NALCN: variants seen among roughly 807,000 people sequenced by gnomAD.
NALCN encodes sodium leak channel, non-selective, also known as sodium leak channel NALCN.
In NALCN, 111 loss-of-function variants were observed where a neutral mutation model predicts 225.3. The ratio of observed to expected loss-of-function variants is 0.49; its 90% CI spans 0.42 to 0.58. The LOEUF (loss-of-function observed/expected upper bound fraction) is 0.58, where lower values mean the gene tolerates loss of function less well. Ranked by LOEUF, NALCN falls within the 20% of genes least tolerant of loss-of-function variation. NALCN has a pLI of 0.00. For missense variants in NALCN, 1,378 were observed against 2,202.4 expected (o/e 0.63, Z 7.49); for synonymous variants, 764 against 769.0 (o/e 0.99, Z 0.11).
intron 4 of NALCN, among the ~76,000 whole-genome samples, chr13:101,377,344 T>TA (rs2139422226): frequency 6.6e-6 from 1 of 152,316 alleles, no homozygotes; most frequent in East Asian, 1.9e-4. Context: ...GAATATATAG[T>TA]AAGTATGCTG....
intron 12 of NALCN, among the ~76,000 whole-genome samples, chr13:101,234,881 T>C (rs71439697): frequency 1.3e-5 from 2 of 151,984 alleles, no homozygotes; most frequent in Non-Finnish European, 2.9e-5. Context: ...CTATCATCTG[T>C]CTATCTATAA....
intron 1 of NALCN, among the ~76,000 whole-genome samples, chr13:101,400,666 C>A (rs1594786836): frequency 6.6e-6 from 1 of 152,046 alleles, no homozygotes; most frequent in East Asian, 1.9e-4. Flanking sequence ...AGCTCCGAAT[C>A]TGATTGCCTG....
In NALCN at chr13:101,268,041, C is replaced by A. The variant is rs569057210; in HGVS notation, c.1135-9467G>T. On this transcript the variant is annotated intron_variant, in intron 10 of 43. Coordinates refer to ENST00000251127, the MANE Select transcript of NALCN (RefSeq NM_052867.4). ...ATGTGTCACTTTGAGAAAGGGTGTG[C>A]CTTCTCGAAAGTCTCCCTCTCTCTT... is the stretch of plus-strand genomic sequence containing the variant. Among the ~76,000 whole-genome samples the A allele has an allele frequency of 1.9e-4, 29 of 152,158 alleles. 1 individual carries two copies. Among genetic ancestry groups the A allele is most frequent in the Middle Eastern group, 3.4e-3 (1 of 294 alleles).
intron 7 of NALCN, among the ~76,000 whole-genome samples, chr13:101,335,424 A>T (rs1213397901): frequency 6.6e-6 from 1 of 152,202 alleles, no homozygotes; most frequent in Non-Finnish European, 1.5e-5. Context: ...GATTCAAGAT[A>T]CAAGGATAAA....
At chr13:101,398,977 C>A (rs764142317) in intron 2 of NALCN, 42 bp downstream of exon 2, 4 of 1,230,010 alleles carry the variant, frequency 3.3e-6, no homozygotes, top group Non-Finnish European at 4.8e-6. Context: ...ACATTTATCT[C>A]ACATCCACAT....
In NALCN at chr13:101,395,248, T is replaced by C; in HGVS notation, c.226A>G (p.Thr76Ala). Residue 76 changes from threonine to alanine, a missense_variant, in exon 3 of 44, where the codon ACA becomes GCA. Coordinates refer to ENST00000251127, the MANE Select transcript of NALCN (RefSeq NM_052867.4). ...PLQYVTFTLD[T>A]LLMFLYTAEM... ...GCCGTGTAGAGAAACATCAATAATGTATCCAAAGTGAAGGTCACATACTGA... is the reference window on the plus strand; with the variant it reads ...GCCGTGTAGAGAAACATCAATAATGCATCCAAAGTGAAGGTCACATACTGA... 1.9e-6 allele frequency: 3 copies of C among 1,614,092 alleles called. No individual in the cohort carries two copies. Among genetic ancestry groups the C allele is most frequent in the Non-Finnish European group, 2.5e-6 (3 of 1,179,956 alleles).
intron 27 of NALCN, among the ~76,000 whole-genome samples, chr13:101,096,049 G>T (rs1450073461): frequency 6.6e-6 from 1 of 152,002 alleles, no homozygotes; most frequent in Non-Finnish European, 1.5e-5. Context: ...TAACCAAAAA[G>T]TCAGATAACA....
chr13:101,181,056 C>T (rs775562716), intron 14 of NALCN: 1 of 517,716 alleles, frequency 1.9e-6, no homozygotes, highest in Non-Finnish European at 3.9e-6. Flanking sequence ...GAGAGCCCAT[C>T]TGGGCACATG....
chr13:101,129,906 T>A (rs2036434012), intron 17 of NALCN, among the ~76,000 whole-genome samples: 1 of 151,852 alleles, frequency 6.6e-6, no homozygotes, highest in South Asian at 2.1e-4. Context: ...TGTGTGATGT[T>A]CCCCTCCCTG....
intron 14 of NALCN, among the ~76,000 whole-genome samples, chr13:101,186,445 A>T (rs1031862959): frequency 1.3e-5 from 2 of 152,234 alleles, no homozygotes; most frequent in African/African-American, 4.8e-5. Flanking sequence ...AACTCACTTC[A>T]TAAAGCCCAT....
chr13:101,177,607 TAAATA>T lies in NALCN; in HGVS notation c.1765-1238_1765-1234del, dbSNP rs552997881. 1.8e-3 allele frequency among the ~76,000 whole-genome samples: 268 copies of T among 152,020 alleles called. 1 individual carries two copies. Among genetic ancestry groups the T allele is most frequent in the East Asian group, 7.7e-3 (40 of 5,174 alleles). ...AAATGTATGCTTCTTTTAGAACAGG[TAAATA>T]AAATAAAACAAAATAGCATAATTTT... On this transcript the variant is annotated intron_variant, in intron 14 of 43. Coordinates refer to ENST00000251127, the MANE Select transcript of NALCN (RefSeq NM_052867.4).
At chr13:101,062,748 T>A (rs1394853104) in intron 40 of NALCN, among the ~76,000 whole-genome samples, 1 of 152,094 alleles carries the variant, frequency 6.6e-6, no homozygotes, top group East Asian at 1.9e-4. Flanking sequence ...GGATTACAGG[T>A]GTGTGCCACC....
intron 17 of NALCN, among the ~76,000 whole-genome samples, chr13:101,141,732 T>G (rs2037087933): frequency 6.6e-6 from 1 of 151,638 alleles, no homozygotes; most frequent in African/African-American, 2.4e-5. Context: ...TTCCAAAGGG[T>G]TCATCCCTGT....
intron 14 of NALCN, among the ~76,000 whole-genome samples, chr13:101,178,588 C>A (rs576771841): frequency 6.6e-6 from 1 of 152,278 alleles, no homozygotes; most frequent in African/African-American, 2.4e-5. Flanking sequence ...TCCCCTTCTC[C>A]GTAGAGGGTG....
intron 17 of NALCN, among the ~76,000 whole-genome samples, chr13:101,129,027 G>A (rs1268253165): frequency 1.3e-5 from 2 of 152,198 alleles, no homozygotes; most frequent in African/African-American, 4.8e-5. Flanking sequence ...TTCTTCCATC[G>A]AAAGGAACAG....
At position 101,292,217 on chromosome 13, in the gene NALCN, G is replaced by C. The variant is rs781262654; in HGVS notation, c.942+7C>G. 3 of 1,613,684 alleles carry C rather than the reference G, an allele frequency of 1.9e-6. No homozygotes were observed. The highest frequency in any genetic ancestry group is 1.7e-5 in the Admixed American group (1 of 59,924). ...ATAGACTTTCTTAGTACAATTCTTC[G>C]CAGTACCTTCACAAGCCAGGCGAGG... On this transcript the variant is annotated splice_region_variant and intron_variant, in intron 8 of 43. Coordinates refer to ENST00000251127, the MANE Select transcript of NALCN (RefSeq NM_052867.4). This position sits in a 1 kb window ranked among gnomAD's most constrained non-coding sequence, Gnocchi z 4.3.
At chr13:101,273,726 A>C (rs943015320) in intron 10 of NALCN, among the ~76,000 whole-genome samples, 15 of 151,952 alleles carry the variant, frequency 9.9e-5, no homozygotes, top group African/African-American at 3.1e-4. Flanking sequence ...TCTTCTAAAA[A>C]TACAAAAAAT....
chr13:101,300,520 G>A (rs1427063475), intron 7 of NALCN, among the ~76,000 whole-genome samples: 1 of 151,276 alleles, frequency 6.6e-6, no homozygotes, highest in Admixed American at 6.6e-5. Context: ...GTACAGTCTT[G>A]GCTCACTGCA....
chr13:101,306,404 T>C (rs1192974015), intron 7 of NALCN, among the ~76,000 whole-genome samples: 1 of 152,170 alleles, frequency 6.6e-6, no homozygotes, highest in Non-Finnish European at 1.5e-5. Flanking sequence ...TCCTCAGAAA[T>C]GTGGGCCAAT....
Sources: gnomAD v4.1 joint callset for allele counts (sites outside exome capture counted in the v4.1 genomes callset) on GRCh38, gnomAD v4.1.1 for gene constraint, Gnocchi (gnomAD v3.1) non-coding constraint, MANE v1.5 for transcripts, NCBI Gene and HGNC (gene_info 2026-07-23, HGNC 2026-07-21) for gene names.